The following MAP2 variants were observed in gnomAD, a reference collection of about 807,000 sequenced individuals.
MAP2 encodes microtubule-associated protein 2.
MAP2 carries 14 observed loss-of-function variants against 137.6 expected under a neutral mutation model. That is an observed-to-expected ratio of 0.10 (90% CI 0.07 to 0.16). The LOEUF (loss-of-function observed/expected upper bound fraction) is 0.16, where lower values mean the gene tolerates loss of function less well. Ranked by LOEUF, MAP2 falls within the 10% of genes least tolerant of loss-of-function variation. The pLI, the probability that MAP2 is intolerant of heterozygous loss-of-function variation, is 1.00. For missense variants in MAP2, 2,088 were observed against 2,191.5 expected (o/e 0.95, Z 0.94); for synonymous variants, 786 against 782.3 (o/e 1.00, Z -0.08).
intron 3 of MAP2, among the ~76,000 whole-genome samples, chr2:209,600,154 C>T (rs1419856095): frequency 6.6e-6 from 1 of 152,060 alleles, no homozygotes; most frequent in African/African-American, 2.4e-5. Flanking sequence ...TTCTTTCTAC[C>T]CATTTCACTC....
At chr2:209,452,389 C>G (rs149137837) in intron 1 of MAP2, among the ~76,000 whole-genome samples, 3 of 152,278 alleles carry the variant, frequency 2.0e-5, no homozygotes, top group Non-Finnish European at 2.9e-5. Context: ...CAGGAACTCT[C>G]CTCTTTCCTA....
At chr2:209,597,578 C>G (rs1220216321) in intron 3 of MAP2, among the ~76,000 whole-genome samples, 2 of 152,164 alleles carry the variant, frequency 1.3e-5, no homozygotes, top group Non-Finnish European at 2.9e-5. Flanking sequence ...AGAATACAAT[C>G]TAATCATGAT....
At chr2:209,603,827 A>G (rs1347446741) in intron 3 of MAP2, among the ~76,000 whole-genome samples, 1 of 152,184 alleles carries the variant, frequency 6.6e-6, no homozygotes, top group Non-Finnish European at 1.5e-5. Flanking sequence ...AGTGGTTTCA[A>G]AGTTGATCTA....
At chr2:209,573,298 G>GGTTGTTTTTTTTTTTTTT (rs770132978) in intron 2 of MAP2, among the ~76,000 whole-genome samples, 5 of 120,068 alleles carry the variant, frequency 4.2e-5, no homozygotes, top group African/African-American at 1.7e-4. Flanking sequence ...TTCTTTTTCT[G>GGTTGTTTTTTTTTTTTTT]TTTTTTTTTT....
chr2:209,495,465 T>C (rs1260987185), intron 1 of MAP2, among the ~76,000 whole-genome samples: 1 of 152,224 alleles, frequency 6.6e-6, no homozygotes, highest in African/African-American at 2.4e-5. Context: ...GGTGTCCCTC[T>C]GGGACAAAGC....
At chr2:209,539,955 G>A (rs938028466) in intron 2 of MAP2, among the ~76,000 whole-genome samples, 23 of 137,794 alleles carry the variant, frequency 1.7e-4, no homozygotes, top group African/African-American at 6.8e-4. Flanking sequence ...AAAAAAAATA[G>A]CCAGGCTTGG....
rs2075708526 is a variant in MAP2, at chr2:209,731,013, T to C, written c.*616T>C. On this transcript the variant is annotated 3_prime_UTR_variant, in exon 16 of 16. Coordinates refer to ENST00000682079, the MANE Select transcript of MAP2 (RefSeq NM_001375505.1). ...AAATAGTTGCAAAGCATTTGAGCTG[T>C]GGTTGAGGAAGTGGTGTAAAAGTGC... 6.5e-6 allele frequency: 1 copy of C among 152,760 alleles called. No homozygotes were observed. The highest frequency in any genetic ancestry group is 2.4e-5 in the African/African-American group (1 of 41,418). The allele number at this position is 152,760 out of a possible 1,614,324, so 9.5% of individuals were successfully genotyped here.
At chr2:209,689,989 A>C (rs2058367508) in intron 7 of MAP2, among the ~76,000 whole-genome samples, 1 of 152,224 alleles carries the variant, frequency 6.6e-6, no homozygotes, top group African/African-American at 2.4e-5. Context: ...AATGCTAAAT[A>C]AATTATATTT....
intron 2 of MAP2, among the ~76,000 whole-genome samples, chr2:209,524,315 C>T (rs1375300737): frequency 6.6e-6 from 1 of 151,682 alleles, no homozygotes; most frequent in Non-Finnish European, 1.5e-5. Flanking sequence ...TTTCTTTAGT[C>T]TTTTTCTTTT....
intron 1 of MAP2, among the ~76,000 whole-genome samples, chr2:209,497,441 A>C (rs1213643121): frequency 6.6e-6 from 1 of 152,192 alleles, no homozygotes; most frequent in Non-Finnish European, 1.5e-5. Context: ...ACTGTGAAAA[A>C]GTAAATATCT....
At chr2:209,544,025 C>T (rs778398228) in intron 2 of MAP2, among the ~76,000 whole-genome samples, 5 of 152,006 alleles carry the variant, frequency 3.3e-5, no homozygotes, top group African/African-American at 4.8e-5. Flanking sequence ...GTCAGGAGAT[C>T]GAGACCATCT....
rs1204713395 is a variant in MAP2, at chr2:209,688,213, GAGAA to G, written c.455-4408_455-4405del. Among the ~76,000 whole-genome samples, 7 of 151,924 alleles carry G rather than the reference GAGAA, an allele frequency of 4.6e-5. No individual in the cohort carries two copies. In the East Asian group the frequency reaches 1.2e-3, roughly 25 times the overall value. On this transcript the variant is annotated intron_variant, in intron 7 of 15. Transcript: ENST00000682079. ...TTCTGAGAAGGAAGAAAAAGAGAGA[GAGAA>G]AGAGAGAGAGAAGCAAAAAAATATT...
Position 209,731,564 on chromosome 2 carries a change from G to T in MAP2, c.*1167G>T, listed in dbSNP as rs903712259. On this transcript the variant is annotated 3_prime_UTR_variant, in exon 16 of 16. Coordinates refer to ENST00000682079, the MANE Select transcript of MAP2 (RefSeq NM_001375505.1). ...GGATTTATCTCATTTTTAATCACAG[G>T]ATAGTTTGGGGTTTATTCCTATTAT... 4 of 152,500 alleles carry T rather than the reference G, an allele frequency of 2.6e-5. No homozygotes were observed. Among genetic ancestry groups the T allele is most frequent in the African/African-American group, 9.7e-5 (4 of 41,410 alleles). 9.4% of individuals were successfully genotyped at this position (152,500 alleles called of 1,614,324 possible).
At position 209,710,026 on chromosome 2, in the gene MAP2, C is replaced by A. The variant is rs1439728778; in HGVS notation, c.4845C>A (p.Gly1615=). The A allele has an allele frequency of 3.7e-6, 6 of 1,613,944 alleles. No individual in the cohort carries two copies. The highest frequency in any genetic ancestry group is 5.1e-6 in the Non-Finnish European group (6 of 1,180,002). Residue 1615 remains glycine, a synonymous_variant, in exon 13 of 16, where the codon GGC becomes GGA. Transcript: ENST00000682079. ...TPPSYSSRTP[G]TPGTPSYPRT... ...CAAGTTATTCTTCACGCACACCAGG[C>A]ACTCCTGGAACCCCTAGCTATCCCA... is the stretch of plus-strand genomic sequence containing the variant.
chr2:209,434,874 T>TTATATATATATTTTA (rs199921912), intron 1 of MAP2, among the ~76,000 whole-genome samples: 1 of 93,178 alleles, frequency 1.1e-5, no homozygotes, highest in African/African-American at 3.6e-5. Flanking sequence ...TATATATATG[T>TTATATATATATTTTA]TATATATATG....
At position 209,693,952 on chromosome 2, in the gene MAP2, A is replaced by C; in HGVS notation, c.1782A>C (p.Glu594Asp). The C allele has an allele frequency of 6.2e-7, 1 of 1,613,848 alleles. No homozygotes were observed. Among genetic ancestry groups the C allele is most frequent in the Non-Finnish European group, 8.5e-7 (1 of 1,179,932 alleles). ...TTGAGCCAGGCAGTGATTACTATGAACTGAGTGACACTAGAGAAAGTGTCC... is the reference window on the plus strand; with the variant it reads ...TTGAGCCAGGCAGTGATTACTATGACCTGAGTGACACTAGAGAAAGTGTCC... Reference protein sequence around the residue: ...KSIEPGSDYYELSDTRESVHE... With the variant: ...KSIEPGSDYYDLSDTRESVHE... The change falls in exon 8 of 16, where the codon GAA (glutamate) becomes GAC (aspartate). Residue 594 changes from glutamate (E) to aspartate (D), a missense_variant. This residue lies in a region of MAP2 where 859 missense variants were observed against 794.5 expected (regional missense o/e 1.08). Coordinates refer to ENST00000682079, the MANE Select transcript of MAP2 (RefSeq NM_001375505.1).
Position 209,695,448 on chromosome 2 carries a change from G to C in MAP2, c.3278G>C (p.Gly1093Ala), listed in dbSNP as rs139654422. ...CCGCAGGAGGCAGATGCATTTATGG[G>C]TGTTGAGTCTGGCCACATGAAAGAA... is the stretch of plus-strand genomic sequence containing the variant. Reference protein sequence around the residue: ...KAPQEADAFMGVESGHMKEGT... With the variant: ...KAPQEADAFMAVESGHMKEGT... Residue 1093 changes from glycine (G) to alanine (A), a missense_variant, in exon 8 of 16, where the codon GGT becomes GCT. By Grantham distance (60) the Gly-to-Ala change is moderately conservative. Coordinates refer to ENST00000682079, the MANE Select transcript of MAP2 (RefSeq NM_001375505.1). 6.2e-7 allele frequency: 1 copy of C among 1,613,910 alleles called. No individual in the cohort carries two copies. The highest frequency in any genetic ancestry group is 1.3e-5 in the African/African-American group (1 of 74,912).
intron 3 of MAP2, among the ~76,000 whole-genome samples, chr2:209,622,429 A>G (rs35846319): frequency 3.6e-4 from 55 of 152,308 alleles, no homozygotes; most frequent in Non-Finnish European, 6.2e-4. Context: ...TGGGAAGGAC[A>G]CTTAAACTCT....
At chr2:209,629,670 T>A (rs919620968) in intron 4 of MAP2, among the ~76,000 whole-genome samples, 2 of 152,206 alleles carry the variant, frequency 1.3e-5, no homozygotes, top group Non-Finnish European at 2.9e-5. Flanking sequence ...CCTATCCTAT[T>A]CTGTACTCTC....
Sources: allele counts gnomAD v4.1 joint callset (sites outside exome capture counted in the v4.1 genomes callset), GRCh38; gene constraint gnomAD v4.1.1; regional missense constraint gnomAD v4.1.1; transcripts MANE v1.5; gene names NCBI Gene and HGNC (gene_info 2026-07-23, HGNC 2026-07-21).